GLP1R: variants seen among roughly 807,000 people sequenced by gnomAD.
GLP1R encodes the protein glucagon-like peptide 1 receptor.
A neutral mutation model predicts 68.4 loss-of-function variants in GLP1R; 32 were observed. The ratio of observed to expected loss-of-function variants is 0.47; its 90% CI spans 0.35 to 0.63. The LOEUF is 0.63. Among genes scored for constraint, GLP1R ranks in the 20% least tolerant of loss-of-function variants. GLP1R has a pLI of 0.00. For missense variants in GLP1R, 502 were observed against 594.9 expected (o/e 0.84, Z 1.62); for synonymous variants, 263 against 244.4 (o/e 1.08, Z -0.71).
At position 39,068,299 on chromosome 6, in the gene GLP1R, C is replaced by G. The variant is rs117303151; in HGVS notation, c.509+1996C>G. ...TTGGGTCCCCAAGTCTCCCCGAAGC[C>G]CCACTCGCACAGCTTTGCTGGGTTC... is the stretch of plus-strand genomic sequence containing the variant. On this transcript the variant is annotated intron_variant, in intron 5 of 12. Transcript: ENST00000373256. 1.8e-4 allele frequency among the ~76,000 whole-genome samples: 27 copies of G among 152,204 alleles called. 2 individuals are homozygous for G. In the East Asian group the frequency reaches 4.8e-3, roughly 27 times the overall value.
intron 12 of GLP1R, among the ~76,000 whole-genome samples, chr6:39,085,017 A>C (rs192396083): frequency 1.3e-5 from 2 of 152,192 alleles, no homozygotes; most frequent in Admixed American, 6.5e-5. Context: ...ATGTATGGGA[A>C]CATCACCCAG....
intron 3 of GLP1R, among the ~76,000 whole-genome samples, chr6:39,060,611 G>A (rs967509178): frequency 5.3e-5 from 8 of 152,212 alleles, no homozygotes; most frequent in Admixed American, 2.6e-4. Flanking sequence ...CAGGGAGGGA[G>A]CAGGGGAGAA....
intron 3 of GLP1R, among the ~76,000 whole-genome samples, chr6:39,061,656 G>A (rs917121551): frequency 5.7e-4 from 87 of 152,256 alleles, no homozygotes; most frequent in African/African-American, 2.0e-3. Flanking sequence ...TCAAGAAACC[G>A]GCATGGGGGA....
rs753928828 is a variant in GLP1R at position 39,090,247 on chromosome 6, G to A, written c.*4174G>A. Among the ~76,000 whole-genome samples the A allele has an allele frequency of 2.6e-5, 4 of 152,136 alleles. No individual in the cohort carries two copies. Among genetic ancestry groups the A allele is most frequent in the South Asian group, 2.1e-4 (1 of 4,820 alleles). ...GTCTGCAGTATCTATAAGTACTTCC[G>A]CTCTGTCAAGGAATACAGACTGGCA... On this transcript the variant is annotated 3_prime_UTR_variant, in exon 13 of 13. Coordinates refer to ENST00000373256, the MANE Select transcript of GLP1R (RefSeq NM_002062.5).
rs114374871 is a variant in GLP1R at position 39,088,890 on chromosome 6, A to G, written c.*2817A>G. On this transcript the variant is annotated 3_prime_UTR_variant, in exon 13 of 13. Transcript: ENST00000373256. ...GAGGCTTGTAGAGGTGGCTTGCCCA[A>G]GGTCACAACACTAGAGGGTGGTTGA... Among the ~76,000 whole-genome samples the G allele has an allele frequency of 8.4e-3, 1,279 of 152,324 alleles. 12 individuals carry two copies. Among genetic ancestry groups the G allele is most frequent in the Non-Finnish European group, 0.012 (805 of 68,030 alleles).
At position 39,048,921 on chromosome 6, in the gene GLP1R, G is replaced by T; in HGVS notation, c.78+3G>T. The T allele has an allele frequency of 7.5e-7, 1 of 1,326,774 alleles. No homozygotes were observed. Among genetic ancestry groups the T allele is most frequent in the South Asian group, 1.6e-5 (1 of 63,760 alleles). 82.2% of individuals were successfully genotyped at this position (1,326,774 alleles called of 1,614,324 possible). On this transcript the variant is annotated splice_donor_region_variant and intron_variant, in intron 1 of 12. Transcript: ENST00000373256. ...GCAGGGCCGGCCCCCGCCCCCAGGT[G>T]AGATCCAGGGACCCCGACGACACCG... is the stretch of plus-strand genomic sequence containing the variant.
intron 5 of GLP1R, among the ~76,000 whole-genome samples, chr6:39,068,022 C>G (rs192380408): frequency 6.6e-6 from 1 of 152,218 alleles, no homozygotes; most frequent in Admixed American, 6.5e-5. Flanking sequence ...GGGAAGCCTG[C>G]TTGAGGCCAG....
chr6:39,087,888 G>T lies in GLP1R; in HGVS notation c.*1815G>T, dbSNP rs1769189963. On this transcript the variant is annotated 3_prime_UTR_variant, in exon 13 of 13. Coordinates refer to ENST00000373256, the MANE Select transcript of GLP1R (RefSeq NM_002062.5). ...CAGAACAAGGGCAGGCTTCCCAAAG[G>T]CACCCCTTATTTGCTGTCTCTTCGT... 1 of 152,158 alleles carries T rather than the reference G, an allele frequency of 6.6e-6. No individual in the cohort carries two copies. Among genetic ancestry groups the T allele is most frequent in the African/African-American group, 2.4e-5 (1 of 41,416 alleles). 9.4% of individuals were successfully genotyped at this position (152,158 alleles called of 1,614,324 possible). A position where few individuals can be genotyped will look rare whatever the true frequency, so the allele number is the denominator to read the frequency against.
chr6:39,057,870 T>C (rs989669072), intron 3 of GLP1R, among the ~76,000 whole-genome samples: 1 of 152,120 alleles, frequency 6.6e-6, no homozygotes, highest in Non-Finnish European at 1.5e-5. Flanking sequence ...ACCTGGTACC[T>C]GCCCTGGGTC....
At chr6:39,067,309 G>A (rs1462399794) in intron 5 of GLP1R, among the ~76,000 whole-genome samples, 3 of 152,160 alleles carry the variant, frequency 2.0e-5, no homozygotes, top group Admixed American at 2.0e-4. Flanking sequence ...TGCTGCTATA[G>A]CAAAATACCT....
intron 1 of GLP1R, among the ~76,000 whole-genome samples, chr6:39,054,901 A>G (rs1421385106): frequency 6.6e-6 from 1 of 152,084 alleles, no homozygotes; most frequent in Non-Finnish European, 1.5e-5. Context: ...AAACTGTGCC[A>G]CCTCCTCAGC....
In GLP1R at chr6:39,079,805, C is replaced by G. The variant is rs570098799; in HGVS notation, c.1182+103C>G. 9.2e-7 allele frequency: 1 copy of G among 1,087,376 alleles called. No homozygotes were observed. Among genetic ancestry groups the G allele is most frequent in the Admixed American group, 2.0e-5 (1 of 49,126 alleles). The allele number at this position is 1,087,376 out of a possible 1,614,324, so 67.4% of individuals were successfully genotyped here. ...ATGGAAAAGGTGGGAAGACTGGGAC[C>G]TGGAGGGGTGATCCCTGCCCAAAGT... On this transcript the variant is annotated intron_variant, in intron 11 of 12. Coordinates refer to ENST00000373256, the MANE Select transcript of GLP1R (RefSeq NM_002062.5). The surrounding 1 kb of genome is among the most constrained non-coding windows in gnomAD (Gnocchi z 4.5).
chr6:39,089,774 C>G lies in GLP1R; in HGVS notation c.*3701C>G, dbSNP rs1018632480. Among the ~76,000 whole-genome samples the G allele has an allele frequency of 6.6e-6, 1 of 152,196 alleles. No homozygotes were observed. Among genetic ancestry groups the G allele is most frequent in the African/African-American group, 2.4e-5 (1 of 41,454 alleles). ...AGTCTAAGTGGTAGATGCTTCCTCT[C>G]CATGCGCAGACAGGGCTCCCATTAT... On this transcript the variant is annotated 3_prime_UTR_variant, in exon 13 of 13. Transcript: ENST00000373256. This position sits in a 1 kb window ranked among gnomAD's most constrained non-coding sequence, Gnocchi z 4.1.
At chr6:39,065,592 A>T in intron 3 of GLP1R, 119 bp from the exon 4 acceptor site, 1 of 628,868 alleles carries the variant, frequency 1.6e-6, no homozygotes, top group South Asian at 1.9e-5. Flanking sequence ...ACTAACTCAG[A>T]GTAGTCCATT....
Position 39,054,181 on chromosome 6 carries a change from C to T in GLP1R, c.79-2216C>T, listed in dbSNP as rs370272312. Among the ~76,000 whole-genome samples, 26 of 152,188 alleles carry T rather than the reference C, an allele frequency of 1.7e-4. No homozygotes were observed. The South Asian group carries it at 4.8e-3, about 28-fold the overall frequency. On this transcript the variant is annotated intron_variant, in intron 1 of 12. Transcript: ENST00000373256. ...GTCACTTGTCCTGTAAAGCATTGAC[C>T]CCCGAGTAGCCTGAAGACTCTCTCA...
chr6:39,076,197 GT>G (rs1768821817), intron 7 of GLP1R, among the ~76,000 whole-genome samples: 1 of 152,190 alleles, frequency 6.6e-6, no homozygotes, highest in South Asian at 2.1e-4. Flanking sequence ...TTCTGCATGT[GT>G]ACGTGGTTCA....
chr6:39,062,749 C>T lies in GLP1R; in HGVS notation c.284-2962C>T, dbSNP rs572503295. Among the ~76,000 whole-genome samples, 3 of 152,290 alleles carry T rather than the reference C, an allele frequency of 2.0e-5. No homozygotes were observed. The Middle Eastern group carries it at 0.01, about 518-fold the overall frequency. ...GGGACCTCCGGAGGCAAAGAGCTGGCGGATTTTAGTCTTGACTCTGCTACT... is the reference window on the plus strand; with the variant it reads ...GGGACCTCCGGAGGCAAAGAGCTGGTGGATTTTAGTCTTGACTCTGCTACT... On this transcript the variant is annotated intron_variant, in intron 3 of 12. Coordinates refer to ENST00000373256, the MANE Select transcript of GLP1R (RefSeq NM_002062.5).
intron 3 of GLP1R, among the ~76,000 whole-genome samples, chr6:39,060,226 A>T (rs1052529209): frequency 3.9e-5 from 6 of 152,200 alleles, no homozygotes; most frequent in Non-Finnish European, 7.3e-5. Flanking sequence ...AGAAGGGGAC[A>T]GTTCTGGAGC....
At chr6:39,080,147 A>G (rs192798195) in intron 11 of GLP1R, among the ~76,000 whole-genome samples, 1 of 150,598 alleles carries the variant, frequency 6.6e-6, no homozygotes, top group African/African-American at 2.4e-5. Context: ...GCATTAGATG[A>G]TGCTAAGGGG....
Sources: allele counts gnomAD v4.1 joint callset (sites outside exome capture counted in the v4.1 genomes callset), GRCh38; gene constraint gnomAD v4.1.1; non-coding constraint Gnocchi (gnomAD v3.1); transcripts MANE v1.5; gene names NCBI Gene and HGNC (gene_info 2026-07-23, HGNC 2026-07-21).